Variants in DOK6 observed in about 807,000 individuals in gnomAD.
The protein encoded by DOK6 is docking protein 6, also known as downstream of tyrosine kinase 6.
A neutral mutation model predicts 44.0 loss-of-function variants in DOK6; 22 were observed. The observed-to-expected ratio is 0.50, with a 90% confidence interval of 0.36 to 0.71. The LOEUF (loss-of-function observed/expected upper bound fraction) is 0.71, where lower values mean the gene tolerates loss of function less well. Ranked by LOEUF, DOK6 falls within the 30% of genes least tolerant of loss-of-function variation. DOK6 has a pLI of 0.00. For missense variants in DOK6, 340 were observed against 416.4 expected (o/e 0.82, Z 1.60); for synonymous variants, 166 against 145.5 (o/e 1.14, Z -1.01).
At chr18:69,511,726 T>C (rs1016030365) in intron 1 of DOK6, among the ~76,000 whole-genome samples, 7 of 152,244 alleles carry the variant, frequency 4.6e-5, no homozygotes, top group Admixed American at 3.9e-4. Context: ...TAGCAATGTG[T>C]CCTGCAAAAT....
chr18:69,671,221 A>T (rs1262664805), intron 3 of DOK6, among the ~76,000 whole-genome samples: 5 of 152,240 alleles, frequency 3.3e-5, no homozygotes, highest in Admixed American at 3.3e-4. Context: ...GAAAATAGGT[A>T]GGGGCAATTT....
chr18:69,563,748 A>G (rs112442489), intron 1 of DOK6, among the ~76,000 whole-genome samples: 3,395 of 151,960 alleles, frequency 0.022, 120 homozygotes, highest in African/African-American at 0.076. Flanking sequence ...ACATGTATAC[A>G]TATGTAACAA....
At chr18:69,815,165 C>A (rs1981361691) in intron 7 of DOK6, among the ~76,000 whole-genome samples, 1 of 152,118 alleles carries the variant, frequency 6.6e-6, no homozygotes, top group Non-Finnish European at 1.5e-5. Context: ...AAATGAAAGA[C>A]AGCACAAGGA....
intron 5 of DOK6, among the ~76,000 whole-genome samples, chr18:69,730,917 A>G (rs1341956730): frequency 6.6e-6 from 1 of 152,188 alleles, no homozygotes; most frequent in African/African-American, 2.4e-5. Flanking sequence ...CCTGAGCAAG[A>G]GAAACCCTAG....
intron 3 of DOK6, among the ~76,000 whole-genome samples, chr18:69,651,377 C>A (rs1224439742): frequency 1.3e-5 from 2 of 151,904 alleles, no homozygotes; most frequent in African/African-American, 4.8e-5. Flanking sequence ...CTTGTCCCTG[C>A]TTTCCCTTAA....
intron 1 of DOK6, among the ~76,000 whole-genome samples, chr18:69,531,301 T>A (rs965829144): frequency 6.8e-6 from 1 of 148,066 alleles, no homozygotes; most frequent in African/African-American, 2.5e-5. Context: ...ATTATATATA[T>A]TTTAATGAAA....
Position 69,842,393 on chromosome 18 carries a change from A to G in DOK6, c.*1010A>G, listed in dbSNP as rs936532995. ...TGTGAACGCCGATCAGCTTCCATTT[A>G]ACCTTGAGAGAAAAGAGAGGTTCTA... On this transcript the variant is annotated 3_prime_UTR_variant, in exon 8 of 8. Transcript: ENST00000382713. The G allele has an allele frequency of 6.6e-6, 1 of 152,158 alleles. No homozygotes were observed. Among genetic ancestry groups the G allele is most frequent in the Non-Finnish European group, 1.5e-5 (1 of 68,036 alleles). 9.4% of individuals were successfully genotyped at this position (152,158 alleles called of 1,614,324 possible). A position where few individuals can be genotyped will look rare whatever the true frequency, so the allele number is the denominator to read the frequency against.
At chr18:69,427,268 A>G (rs1376092462) in intron 1 of DOK6, among the ~76,000 whole-genome samples, 1 of 152,190 alleles carries the variant, frequency 6.6e-6, no homozygotes, top group African/African-American at 2.4e-5. Context: ...GAACTTAAAC[A>G]AAATTACAAG....
At chr18:69,685,828 G>A (rs191712921) in intron 4 of DOK6, among the ~76,000 whole-genome samples, 147 of 152,194 alleles carry the variant, frequency 9.7e-4, no homozygotes, top group African/African-American at 3.4e-3. Flanking sequence ...TTTGTAGTAC[G>A]GTGGCAACCT....
chr18:69,486,174 C>A (rs1644311421), intron 1 of DOK6, among the ~76,000 whole-genome samples: 4 of 151,624 alleles, frequency 2.6e-5, no homozygotes, highest in Admixed American at 2.6e-4. Flanking sequence ...TCTTCTTTTG[C>A]AGAGTATAGA....
At position 69,810,639 on chromosome 18, in the gene DOK6, A is replaced by AT. The variant is rs199667061; in HGVS notation, c.857-30596dup. Among the ~76,000 whole-genome samples, 408 of 151,028 alleles carry AT rather than the reference A, an allele frequency of 2.7e-3. 1 individual carries two copies. Among genetic ancestry groups the AT allele is most frequent in the Non-Finnish European group, 3.1e-3 (212 of 67,536 alleles). On this transcript the variant is annotated intron_variant, in intron 7 of 7. Coordinates refer to ENST00000382713, the MANE Select transcript of DOK6 (RefSeq NM_152721.6). Reference sequence around the variant, plus strand: ...AAAAAGCAAGAAAACAAATAACCTGATTTTTTTTTAATGGGCAAAGGTCCT... The same window carrying AT: ...AAAAAGCAAGAAAACAAATAACCTGATTTTTTTTTTAATGGGCAAAGGTCCT...
chr18:69,725,340 G>A (rs2144726853), intron 5 of DOK6, among the ~76,000 whole-genome samples: 1 of 152,310 alleles, frequency 6.6e-6, no homozygotes, highest in Middle Eastern at 3.4e-3. Context: ...TGAGACTCGG[G>A]TTCTGTAAGG....
At chr18:69,644,597 C>T (rs1985025111) in intron 3 of DOK6, among the ~76,000 whole-genome samples, 1 of 152,130 alleles carries the variant, frequency 6.6e-6, no homozygotes, top group Non-Finnish European at 1.5e-5. Flanking sequence ...GTTCTCTATT[C>T]TAATCATTAA....
At chr18:69,607,399 C>A (rs899329988) in intron 3 of DOK6, among the ~76,000 whole-genome samples, 2 of 151,882 alleles carry the variant, frequency 1.3e-5, no homozygotes, top group Non-Finnish European at 2.9e-5. Context: ...CAGCAATATA[C>A]CATAGCAGGA....
At chr18:69,534,192 C>G (rs567659482) in intron 1 of DOK6, among the ~76,000 whole-genome samples, 5 of 152,132 alleles carry the variant, frequency 3.3e-5, no homozygotes, top group Non-Finnish European at 7.4e-5. Flanking sequence ...TAATGCAGGT[C>G]TCTTTGACTA....
At position 69,599,445 on chromosome 18, in the gene DOK6, C is replaced by A; in HGVS notation, c.236C>A (p.Ala79Glu). The A allele has an allele frequency of 1.9e-6, 3 of 1,613,836 alleles. No homozygotes were observed. Among genetic ancestry groups the A allele is most frequent in the Non-Finnish European group, 2.5e-6 (3 of 1,179,914 alleles). ...CTGCCCCGAGAGACAAAGAAGCATG[C>A]GGTGGCAATCATCTTTCACGATGAA... is the stretch of plus-strand genomic sequence containing the variant. ...TRLPRETKKH[A>E]VAIIFHDETS... is the part of the protein sequence containing the mutation. The change falls in exon 3 of 8, where the codon GCG becomes GAG. Residue 79 changes from alanine (A) to glutamate (E), a missense_variant. This residue lies in a region of DOK6 where 206 missense variants were observed against 258.6 expected (regional missense o/e 0.80). Coordinates refer to ENST00000382713, the MANE Select transcript of DOK6 (RefSeq NM_152721.6).
At chr18:69,509,203 G>C (rs1319655148) in intron 1 of DOK6, among the ~76,000 whole-genome samples, 2 of 151,976 alleles carry the variant, frequency 1.3e-5, no homozygotes, top group Non-Finnish European at 2.9e-5. Context: ...AAATTACCAA[G>C]TCCTGGTTCC....
chr18:69,468,219 C>A (rs569568119), intron 1 of DOK6, among the ~76,000 whole-genome samples: 2 of 152,144 alleles, frequency 1.3e-5, no homozygotes, highest in East Asian at 3.9e-4. Flanking sequence ...AAAGGAGGTT[C>A]CTGTATTTCA....
At chr18:69,484,987 G>A (rs551745357) in intron 1 of DOK6, among the ~76,000 whole-genome samples, 28 of 151,926 alleles carry the variant, frequency 1.8e-4, no homozygotes, top group African/African-American at 6.8e-4. Context: ...TGTGTTGGGT[G>A]ACTCAGATTT....
Sources: gnomAD v4.1 joint callset for allele counts (sites outside exome capture counted in the v4.1 genomes callset) on GRCh38, gnomAD v4.1.1 for gene constraint, gnomAD v4.1.1 regional missense constraint, MANE v1.5 for transcripts, NCBI Gene and HGNC (gene_info 2026-07-23, HGNC 2026-07-21) for gene names.